BICRAL: variants seen among roughly 807,000 people sequenced by gnomAD.
The protein encoded by BICRAL is BICRA like chromatin remodeling complex associated protein.
In BICRAL, 8 loss-of-function variants were observed where a neutral mutation model predicts 91.8. The ratio of observed to expected loss-of-function variants is 0.09; its 90% CI spans 0.05 to 0.16. BICRAL has a LOEUF of 0.16. BICRAL is among the 10% of genes least tolerant of loss of function. BICRAL has a pLI of 1.00. For synonymous variants in BICRAL, 445 were observed against 491.1 expected, an observed-to-expected ratio of 0.91 and a Z score of 1.24; for missense variants, 1,038 against 1,310.9, an observed-to-expected ratio of 0.79 and a Z score of 3.21.
At chr6:42,845,200 T>G (rs1283312900) in intron 6 of BICRAL, among the ~76,000 whole-genome samples, 25 of 13,444 alleles carry the variant, frequency 1.9e-3, no homozygotes, top group East Asian at 3.1e-3. Flanking sequence ...TGGGTGTTTT[T>G]TTTTTTTTTT....
intron 8 of BICRAL, among the ~76,000 whole-genome samples, chr6:42,854,693 TA>T (rs1337442351): frequency 2.6e-5 from 4 of 151,836 alleles, no homozygotes; most frequent in African/African-American, 9.7e-5. Flanking sequence ...AATATTTTTA[TA>T]TTTTTTTTAA....
chr6:42,807,039 C>T (rs1763727727), intron 1 of BICRAL, among the ~76,000 whole-genome samples: 1 of 152,096 alleles, frequency 6.6e-6, no homozygotes, highest in Non-Finnish European at 1.5e-5. Context: ...CCATGTTGGC[C>T]AGGCTGGTCT....
intron 5 of BICRAL, among the ~76,000 whole-genome samples, chr6:42,823,767 C>T (rs1440732125): frequency 6.7e-6 from 1 of 150,204 alleles, no homozygotes; most frequent in African/African-American, 2.4e-5. Flanking sequence ...ACTAAAAATA[C>T]AAAAAAAAAT....
At chr6:42,781,625 A>T (rs1388959379), upstream of BICRAL, among the ~76,000 whole-genome samples, 3 of 129,686 alleles carry the variant, frequency 2.3e-5, no homozygotes, top group Non-Finnish European at 3.3e-5. Context: ...GTGTGTGTGG[A>T]GAGAGAGCCT....
chr6:42,863,239 G>T (rs928647390), intron 12 of BICRAL, among the ~76,000 whole-genome samples: 8 of 151,856 alleles, frequency 5.3e-5, no homozygotes, highest in Non-Finnish European at 7.4e-5. Flanking sequence ...TAGTAGAGAC[G>T]GGGTTTCACC....
Position 42,865,287 on chromosome 6 carries a change from C to A in BICRAL, c.3081C>A (p.Asp1027Glu). 2 of 1,614,106 alleles carry A rather than the reference C, an allele frequency of 1.2e-6. No individual in the cohort carries two copies. The highest frequency in any genetic ancestry group is 1.6e-4 in the Middle Eastern group (1 of 6,062). ...LKKAGRQPQS[D>E]PTVSGSVELD... is the part of the protein sequence containing the mutation. ...AGGCGGGACGGCAGCCCCAGAGTGA[C>A]CCCACGGTTAGCGGCTCTGTTGAGT... Residue 1027 changes from aspartate to glutamate, a missense_variant, in exon 13 of 13, where the codon GAC becomes GAA. Physicochemically the swap from Asp to Glu is conservative, Grantham distance 45 (BLOSUM62 2). Around this residue, in one of 5 missense-constraint regions of BICRAL, gnomAD observed 92 missense variants for 147.8 expected, o/e 0.62. Transcript: ENST00000314073.
chr6:42,770,040 T>A (rs2113842371), intron 1 of BICRAL, among the ~76,000 whole-genome samples: 1 of 152,280 alleles, frequency 6.6e-6, no homozygotes, highest in Non-Finnish European at 1.5e-5. Context: ...CACCCTTCCA[T>A]GATCTGCAAA....
chr6:42,836,244 C>T (rs1390257980), intron 6 of BICRAL, among the ~76,000 whole-genome samples: 4 of 152,142 alleles, frequency 2.6e-5, no homozygotes, highest in African/African-American at 7.2e-5. Context: ...TCATCCATAG[C>T]ATGGTCATTT....
At chr6:42,847,312 G>A (rs1452239385) in intron 6 of BICRAL, among the ~76,000 whole-genome samples, 3 of 152,106 alleles carry the variant, frequency 2.0e-5, no homozygotes, top group Non-Finnish European at 4.4e-5. Context: ...ATTAGCTGTA[G>A]ATTTTTTATA....
intron 5 of BICRAL, among the ~76,000 whole-genome samples, chr6:42,824,451 T>C (rs566389427): frequency 2.6e-5 from 4 of 152,000 alleles, no homozygotes; most frequent in Non-Finnish European, 5.9e-5. Context: ...TTCAAGCAAT[T>C]CTCCTGCCTC....
At chr6:42,747,596 C>G (rs560945014) in intron 1 of BICRAL, among the ~76,000 whole-genome samples, 99 of 152,304 alleles carry the variant, frequency 6.5e-4, no homozygotes, top group African/African-American at 2.3e-3. Flanking sequence ...GCTGAGAGCA[C>G]AGTTCATACC....
chr6:42,751,565 G>A (rs1582796000), intron 1 of BICRAL, among the ~76,000 whole-genome samples: 1 of 151,998 alleles, frequency 6.6e-6, no homozygotes, highest in Non-Finnish European at 1.5e-5. Flanking sequence ...TAGGCCCTTC[G>A]GTGTTCTCTG....
intron 1 of BICRAL, among the ~76,000 whole-genome samples, chr6:42,758,519 AAC>A (rs915500739): frequency 6.6e-6 from 1 of 152,184 alleles, no homozygotes; most frequent in East Asian, 1.9e-4. Flanking sequence ...TGTATTGGTG[AAC>A]ACACAGACTG....
Position 42,867,480 on chromosome 6 carries a change from C to A in BICRAL, c.*2034C>A, listed in dbSNP as rs1765745869. On this transcript the variant is annotated 3_prime_UTR_variant, in exon 13 of 13. Transcript: ENST00000314073. Reference sequence around the variant, plus strand: ...GTTTGGGTAGTCCTAGGGTAACACCCTGCCCTAAACTCCATGATTTCATAG... The same window carrying A: ...GTTTGGGTAGTCCTAGGGTAACACCATGCCCTAAACTCCATGATTTCATAG... 1.3e-5 allele frequency: 2 copies of A among 152,616 alleles called. No homozygotes were observed. Among genetic ancestry groups the A allele is most frequent in the Non-Finnish European group, 2.9e-5 (2 of 68,066 alleles). The allele number at this position is 152,616 out of a possible 1,614,324, so 9.5% of individuals were successfully genotyped here.
rs1765739416 is a variant in BICRAL, at chr6:42,867,283, G to A, written c.*1837G>A. On this transcript the variant is annotated 3_prime_UTR_variant, in exon 13 of 13. Transcript: ENST00000314073. ...TGTGAGATGGCCAGTCTTCATAATA[G>A]CAACGTACCTTCACCCCAGCCACAT... is the stretch of plus-strand genomic sequence containing the variant. The A allele has an allele frequency of 6.4e-6, 1 of 155,396 alleles. No individual in the cohort carries two copies. The highest frequency in any genetic ancestry group is 1.9e-4 in the East Asian group (1 of 5,322). 9.6% of individuals were successfully genotyped at this position (155,396 alleles called of 1,614,324 possible). A position where few individuals can be genotyped will look rare whatever the true frequency, so the allele number is the denominator to read the frequency against.
chr6:42,803,137 T>C (rs968521367), intron 1 of BICRAL, among the ~76,000 whole-genome samples: 3 of 152,222 alleles, frequency 2.0e-5, no homozygotes, highest in Non-Finnish European at 2.9e-5. Flanking sequence ...ACAACTATTA[T>C]TAATATAATA....
At chr6:42,852,481 A>T in intron 7 of BICRAL, 1 of 520,728 alleles carries the variant, frequency 1.9e-6, no homozygotes, top group Non-Finnish European at 3.7e-6. Flanking sequence ...GACCAACATG[A>T]TGAAACCCCA....
intron 1 of BICRAL, among the ~76,000 whole-genome samples, chr6:42,775,124 G>C (rs1050571520): frequency 6.6e-6 from 1 of 152,144 alleles, no homozygotes. Flanking sequence ...GTAGAGACAG[G>C]GTTTCACCAT....
intron 5 of BICRAL, among the ~76,000 whole-genome samples, chr6:42,824,741 A>G (rs959342805): frequency 6.6e-6 from 1 of 152,268 alleles, no homozygotes; most frequent in Non-Finnish European, 1.5e-5. Flanking sequence ...ATAGTTACTT[A>G]TAAGTTGTTT....
Sources: allele counts gnomAD v4.1 joint callset (sites outside exome capture counted in the v4.1 genomes callset), GRCh38; gene constraint gnomAD v4.1.1; regional missense constraint gnomAD v4.1.1; transcripts MANE v1.5; gene names NCBI Gene and HGNC (gene_info 2026-07-23, HGNC 2026-07-21).